The following FRMPD4 variants were observed in gnomAD, a reference collection of about 807,000 sequenced individuals.
FRMPD4 encodes FERM and PDZ domain containing 4, also known as FERM and PDZ domain-containing protein 4.
Under a neutral mutation model 94.1 loss-of-function variants are expected in FRMPD4, and 22 were observed. The observed-to-expected ratio is 0.23, with a 90% CI of 0.17 to 0.33. The LOEUF (loss-of-function observed/expected upper bound fraction) is 0.33, where lower values mean the gene tolerates loss of function less well. FRMPD4 is among the 10% of genes least tolerant of loss of function. The probability of loss-of-function intolerance (pLI) is 1.00; values close to 1 mark genes in which losing one functional copy is unlikely to be tolerated. For synonymous variants in FRMPD4, 631 were observed against 548.6 expected (o/e 1.15, Z -2.10); for missense variants, 1,111 against 1,339.9 (o/e 0.83, Z 2.67).
intron 2 of FRMPD4, among the ~76,000 whole-genome samples, chrX:12,508,761 AG>A (rs1460972884): frequency 2.3e-4 from 25 of 110,734 alleles, no homozygotes; most frequent in African/African-American, 7.9e-4. Flanking sequence ...TGGGAGGCCA[AG>A]GCGGGCAGAT....
chrX:12,152,528 T>A (rs1221255772), intron 1 of FRMPD4, among the ~76,000 whole-genome samples: 1 of 111,453 alleles, frequency 9.0e-6, no homozygotes, highest in African/African-American at 3.3e-5. Context: ...TTTGGGTAAA[T>A]ATGATTTCCT....
chrX:12,074,879 G>A (rs960118499), intron 3 of FRMPD4, among the ~76,000 whole-genome samples: 2 of 112,026 alleles, frequency 1.8e-5, no homozygotes, highest in Non-Finnish European at 3.8e-5. Context: ...TTAAATTATG[G>A]TCTTTCAAAA....
intron 1 of FRMPD4, among the ~76,000 whole-genome samples, chrX:12,388,548 T>C (rs2148033472): frequency 9.3e-6 from 1 of 107,465 alleles, no homozygotes; most frequent in East Asian, 2.9e-4. Flanking sequence ...GAGGTTGCAG[T>C]GAGCCAAGAT....
chrX:11,878,829 T>A (rs1199257161), intron 3 of FRMPD4, among the ~76,000 whole-genome samples: 1 of 112,007 alleles, frequency 8.9e-6, no homozygotes, highest in African/African-American at 3.2e-5. Flanking sequence ...GTTTAGATGA[T>A]ATTCTTTCAG....
intron 3 of FRMPD4, among the ~76,000 whole-genome samples, chrX:11,906,595 T>A (rs1339982026): frequency 1.8e-5 from 2 of 111,515 alleles, no homozygotes; most frequent in African/African-American, 6.5e-5. Flanking sequence ...TATTGTATTT[T>A]TTTCACTGTA....
chrX:12,590,655 A>G (rs1048277822), intron 2 of FRMPD4, among the ~76,000 whole-genome samples: 4 of 112,231 alleles, frequency 3.6e-5, no homozygotes, highest in Admixed American at 2.8e-4. Flanking sequence ...TTTGCACACA[A>G]TTATATGCCA....
chrX:12,251,491 G>A (rs12389081), intron 1 of FRMPD4, among the ~76,000 whole-genome samples: 352 of 111,470 alleles, frequency 3.2e-3, no homozygotes, highest in African/African-American at 0.011. Flanking sequence ...CCTTTGCCTC[G>A]GGTCAAAGCA....
chrX:11,846,476 A>G (rs1311700116), intron 1 of FRMPD4, among the ~76,000 whole-genome samples: 2 of 110,182 alleles, frequency 1.8e-5, no homozygotes, highest in African/African-American at 6.7e-5. Flanking sequence ...TATAGATTCA[A>G]TGCCATCCCC....
At chrX:12,331,707 A>ATT (rs1555952088) in intron 1 of FRMPD4, among the ~76,000 whole-genome samples, 2 of 47,117 alleles carry the variant, frequency 4.2e-5, no homozygotes, top group South Asian at 7.8e-4. Context: ...TAAATATATA[A>ATT]TATATAATTT....
chrX:12,003,936 T>C, intron 3 of FRMPD4, among the ~76,000 whole-genome samples: 1 of 111,904 alleles, frequency 8.9e-6, no homozygotes, highest in Non-Finnish European at 1.9e-5. Flanking sequence ...TCAGCTGAGG[T>C]TCCAGTCATG....
intron 1 of FRMPD4, among the ~76,000 whole-genome samples, chrX:12,436,650 CTT>C (rs1394694730): frequency 9.0e-6 from 1 of 111,404 alleles, no homozygotes; most frequent in Non-Finnish European, 1.9e-5. Context: ...ATTTTTCTCT[CTT>C]CTTTAACCAA....
chrX:11,988,227 C>A (rs1051847275), intron 3 of FRMPD4, among the ~76,000 whole-genome samples: 1 of 111,509 alleles, frequency 9.0e-6, no homozygotes. Flanking sequence ...ATGGTACTGG[C>A]ATAAAAACAG....
chrX:12,496,129 G>A (rs1314999247), intron 1 of FRMPD4, among the ~76,000 whole-genome samples: 1 of 112,051 alleles, frequency 8.9e-6, no homozygotes, highest in Non-Finnish European at 1.9e-5. Flanking sequence ...AATACAGAAT[G>A]CCTACTTCAA....
chrX:12,151,372 A>G (rs1394742241), intron 1 of FRMPD4, among the ~76,000 whole-genome samples: 2 of 110,953 alleles, frequency 1.8e-5, no homozygotes, highest in Non-Finnish European at 3.8e-5. Flanking sequence ...GTGGTTCTCC[A>G]TGTCCCATCT....
chrX:12,258,648 A>G (rs1256000497), intron 1 of FRMPD4, among the ~76,000 whole-genome samples: 1 of 111,177 alleles, frequency 9.0e-6, no homozygotes, highest in Non-Finnish European at 1.9e-5. Flanking sequence ...GATCTCCTGT[A>G]TTTTTTTCTA....
intron 3 of FRMPD4, among the ~76,000 whole-genome samples, chrX:11,921,483 T>C (rs2091421): frequency 8.3e-5 from 9 of 108,048 alleles, no homozygotes; most frequent in Non-Finnish European, 1.7e-4. Context: ...TATGCATTTG[T>C]GGGGGGACAT....
At position 12,707,615 on chromosome X, in the gene FRMPD4, C is replaced by T. The variant is rs1317326780; in HGVS notation, c.1434C>T (p.Ser478=). Residue 478 remains serine (S), a synonymous_variant, in exon 13 of 17, where the codon AGC becomes AGT. Coordinates refer to ENST00000675598, the MANE Select transcript of FRMPD4 (RefSeq NM_001368397.1). ...NRIEMFSEEE[S]LVRVELHVLD... ...TCGAAATGTTTTCCGAGGAGGAGAG[C>T]TTGGTGCGGGTAGAACTCCACGTGC... is the stretch of plus-strand genomic sequence containing the variant. 4 of 1,208,476 alleles carry T rather than the reference C, an allele frequency of 3.3e-6. No homozygotes were observed. The highest frequency in any genetic ancestry group is 4.4e-5 in the Admixed American group (2 of 45,669).
intron 3 of FRMPD4, among the ~76,000 whole-genome samples, chrX:11,974,843 A>G (rs952836918): frequency 9.0e-6 from 1 of 111,020 alleles, no homozygotes; most frequent in Non-Finnish European, 1.9e-5. Context: ...ACCCAGGTAG[A>G]CTTCTGTGGT....
chrX:12,477,916 C>T (rs925121603), intron 1 of FRMPD4, among the ~76,000 whole-genome samples: 1 of 112,100 alleles, frequency 8.9e-6, no homozygotes, highest in Non-Finnish European at 1.9e-5. Context: ...TTAAGAACTA[C>T]ACATTTGGAT....
Sources: allele counts gnomAD v4.1 joint callset (sites outside exome capture counted in the v4.1 genomes callset), GRCh38; gene constraint gnomAD v4.1.1; transcripts MANE v1.5; gene names NCBI Gene and HGNC (gene_info 2026-07-23, HGNC 2026-07-21).